DNAH3: variants seen among roughly 807,000 people sequenced by gnomAD.
DNAH3 encodes the protein axonemal beta dynein heavy chain 3.
In DNAH3, 332 loss-of-function variants were observed where a neutral mutation model predicts 432.5. The ratio of observed to expected loss-of-function variants is 0.77; its 90% CI spans 0.70 to 0.84. The LOEUF (loss-of-function observed/expected upper bound fraction) is 0.84, where lower values mean the gene tolerates loss of function less well. Ranked by LOEUF, DNAH3 falls within the 40% of genes least tolerant of loss-of-function variation. The pLI is 0.00. For synonymous variants in DNAH3, 1,956 were observed against 1,900.2 expected (o/e 1.03, Z -0.76); for missense variants, 4,861 against 5,114.0 (o/e 0.95, Z 1.51).
rs2090939225 is a variant in DNAH3, at chr16:21,075,430, G to A, written c.3084+17C>T. On this transcript the variant is annotated intron_variant, in intron 21 of 61. Coordinates refer to ENST00000261383, the Ensembl canonical transcript of DNAH3. Reference sequence around the variant, plus strand: ...GGGGCTGCTTTCAAAAGGGGCTGCGGTTGCAGTGAGACTCACAGTGTCCCT... The same window carrying A: ...GGGGCTGCTTTCAAAAGGGGCTGCGATTGCAGTGAGACTCACAGTGTCCCT... 2 of 1,560,778 alleles carry A rather than the reference G, an allele frequency of 1.3e-6. No homozygotes were observed. Among genetic ancestry groups the A allele is most frequent in the Admixed American group, 1.7e-5 (1 of 59,922 alleles).
chr16:21,035,691 A>G (rs1388259686), intron 35 of DNAH3, among the ~76,000 whole-genome samples: 1 of 152,238 alleles, frequency 6.6e-6, no homozygotes, highest in Non-Finnish European at 1.5e-5. Flanking sequence ...ATTAAAGTTC[A>G]TGCCTAGTTA....
At chr16:20,961,292 C>G (rs1479890250) in intron 53 of DNAH3, among the ~76,000 whole-genome samples, 1 of 151,972 alleles carries the variant, frequency 6.6e-6, no homozygotes, top group Non-Finnish European at 1.5e-5. Flanking sequence ...TGAGTTCATT[C>G]AATGAGAACA....
chr16:20,993,933 G>C (rs1296657935), intron 44 of DNAH3, among the ~76,000 whole-genome samples: 2 of 151,782 alleles, frequency 1.3e-5, no homozygotes, highest in Non-Finnish European at 2.9e-5. Flanking sequence ...AATATTCTTA[G>C]GTATACAATG....
At chr16:21,143,451 T>C (rs2092745374) in intron 3 of DNAH3, among the ~76,000 whole-genome samples, 1 of 152,194 alleles carries the variant, frequency 6.6e-6, no homozygotes, top group African/African-American at 2.4e-5. Flanking sequence ...ACCTTCATCA[T>C]AGACTGAATC....
At chr16:20,963,588 C>A (rs200594529) in exon 53 of DNAH3, 5 of 1,613,910 alleles carry the variant, frequency 3.1e-6, no homozygotes, top group Middle Eastern at 1.6e-4. Flanking sequence ...TCAGGCCATG[C>A]AGTTTGGGTA....
intron 59 of DNAH3, among the ~76,000 whole-genome samples, chr16:20,939,382 T>G (rs1021359242): frequency 6.6e-6 from 1 of 152,044 alleles, no homozygotes; most frequent in Non-Finnish European, 1.5e-5. Context: ...GAGGCCAAGG[T>G]GGGCGGATCA....
intron 46 of DNAH3, 67 bp downstream of exon 46, chr16:20,987,626 T>C: frequency 1.3e-6 from 2 of 1,586,406 alleles, no homozygotes; most frequent in Admixed American, 1.7e-5. Context: ...ATTACTGCTA[T>C]TACTACATGT....
chr16:21,138,857 T>C (rs1182457500), intron 5 of DNAH3, among the ~76,000 whole-genome samples: 2 of 151,204 alleles, frequency 1.3e-5, no homozygotes, highest in Non-Finnish European at 2.9e-5. Context: ...CCAGACCGGC[T>C]TTCAGTCTTA....
chr16:21,047,760 T>C (rs1365421317), intron 31 of DNAH3, among the ~76,000 whole-genome samples: 17 of 151,992 alleles, frequency 1.1e-4, no homozygotes, highest in African/African-American at 4.1e-4. Flanking sequence ...CTCTGCTTTT[T>C]AGAGTTTCCA....
chr16:20,950,749 G>A (rs1246369012), intron 56 of DNAH3, among the ~76,000 whole-genome samples: 2 of 152,146 alleles, frequency 1.3e-5, no homozygotes, highest in African/African-American at 4.8e-5. Context: ...TTTAGCACAT[G>A]TCTATTCTTA....
At chr16:21,055,612 G>C (rs1362239680) in intron 27 of DNAH3, among the ~76,000 whole-genome samples, 1 of 151,864 alleles carries the variant, frequency 6.6e-6, no homozygotes, top group African/African-American at 2.4e-5. Context: ...AAAATAAAAA[G>C]AAAACTTAAA....
chr16:21,007,461 C>T (rs577014227), intron 41 of DNAH3, among the ~76,000 whole-genome samples: 1 of 152,272 alleles, frequency 6.6e-6, no homozygotes, highest in Non-Finnish European at 1.5e-5. Context: ...GATTTGCCCA[C>T]CTCAACTTCC....
rs376972275 is a variant in DNAH3 at position 21,048,335 on chromosome 16, G to T, written c.4461+1234C>A. On this transcript the variant is annotated intron_variant, in intron 31 of 61. Coordinates refer to ENST00000261383, the Ensembl canonical transcript of DNAH3. ...GTGCTAGCAATCAGCGAGACTCCGT[G>T]GGCGTAGGACCCTCCGAGCCAGGTG... Among the ~76,000 whole-genome samples the T allele has an allele frequency of 2.3e-3, 351 of 152,328 alleles. 7 individuals carry two copies. In the South Asian group the frequency reaches 0.044, roughly 19 times the overall value.
rs373253590 is a variant in DNAH3 at position 21,100,616 on chromosome 16, T to C, written c.2367-1847A>G. Reference sequence around the variant, plus strand: ...CTTCTTCCTCCAGGGTGCCAAAGTGTTTTCCTTTGCCCTTTTATGGCAGAG... The same window carrying C: ...CTTCTTCCTCCAGGGTGCCAAAGTGCTTTCCTTTGCCCTTTTATGGCAGAG... On this transcript the variant is annotated intron_variant, in intron 16 of 61. Transcript: ENST00000261383. 9.9e-5 allele frequency among the ~76,000 whole-genome samples: 15 copies of C among 152,278 alleles called. No individual in the cohort carries two copies. The South Asian group carries it at 2.7e-3, about 27-fold the overall frequency.
intron 27 of DNAH3, among the ~76,000 whole-genome samples, chr16:21,054,946 CTG>C (rs1336527286): frequency 6.6e-6 from 1 of 151,960 alleles, no homozygotes; most frequent in Non-Finnish European, 1.5e-5. Context: ...TTTATCAAAA[CTG>C]AGAACCGTAT....
intron 41 of DNAH3, among the ~76,000 whole-genome samples, chr16:21,005,716 C>T (rs1466078561): frequency 6.6e-6 from 1 of 151,508 alleles, no homozygotes; most frequent in Non-Finnish European, 1.5e-5. Context: ...CTTATAGGTG[C>T]TCAACTCTCT....
Position 21,131,854 on chromosome 16 carries a change from C to CAAA in DNAH3, c.1082+2402_1082+2404dup, listed in dbSNP as rs528482208. ...GGGCAACAAGAGTGAAACTCCATCT[C>CAAA]AAAAAAAAAAAAAAAAAAAGGGGGA... is the stretch of plus-strand genomic sequence containing the variant. On this transcript the variant is annotated intron_variant, in intron 7 of 61. Coordinates refer to ENST00000261383, the Ensembl canonical transcript of DNAH3. 4.1e-4 allele frequency among the ~76,000 whole-genome samples: 28 copies of CAAA among 67,640 alleles called. No homozygotes were observed. In the East Asian group the frequency reaches 5.6e-3, roughly 14 times the overall value. The allele number at this position is 67,640 out of a possible 152,430, so 44.4% of individuals were successfully genotyped here.
At chr16:20,969,637 G>A (rs1397949543) in intron 52 of DNAH3, among the ~76,000 whole-genome samples, 155 bp downstream of exon 52, 1 of 151,972 alleles carries the variant, frequency 6.6e-6, no homozygotes, top group African/African-American at 2.4e-5. Flanking sequence ...GAGAGGCCTT[G>A]GGTGCACACA....
chr16:21,042,918 G>A (rs904735621), intron 31 of DNAH3, among the ~76,000 whole-genome samples: 3 of 152,018 alleles, frequency 2.0e-5, no homozygotes, highest in Non-Finnish European at 4.4e-5. Flanking sequence ...GAGAATATGC[G>A]GTGTTTGGTT....
Sources: allele counts gnomAD v4.1 joint callset (sites outside exome capture counted in the v4.1 genomes callset), GRCh38; gene constraint gnomAD v4.1.1; transcripts MANE v1.5; gene names NCBI Gene and HGNC (gene_info 2026-07-23, HGNC 2026-07-21).